DTNB: variants seen among roughly 807,000 people sequenced by gnomAD.
DTNB encodes dystrobrevin beta.
Under a neutral mutation model 90.7 loss-of-function variants are expected in DTNB, and 63 were observed. That is an observed-to-expected ratio of 0.69 (90% confidence interval 0.57 to 0.86). The LOEUF (loss-of-function observed/expected upper bound fraction) is 0.86. Among genes scored for constraint, DTNB ranks in the 40% least tolerant of loss-of-function variants. The pLI, the probability that DTNB is intolerant of heterozygous loss-of-function variation, is 0.00. For missense variants in DTNB, 744 were observed against 807.1 expected, an observed-to-expected ratio of 0.92 and a Z score of 0.95; for synonymous variants, 277 against 286.7, an observed-to-expected ratio of 0.97 and a Z score of 0.34.
chr2:25,668,277 C>T (rs1018769983), intron 1 of DTNB, among the ~76,000 whole-genome samples: 2 of 152,028 alleles, frequency 1.3e-5, no homozygotes, highest in Non-Finnish European at 2.9e-5. Flanking sequence ...GCTATCAAGT[C>T]GCAAAAAAGA....
intron 14 of DTNB, among the ~76,000 whole-genome samples, chr2:25,432,448 G>A (rs977127947): frequency 2.0e-5 from 3 of 152,146 alleles, no homozygotes; most frequent in Non-Finnish European, 2.9e-5. Context: ...TCTCAGAGAT[G>A]CGCACAGGAA....
At position 25,431,083 on chromosome 2, in the gene DTNB, T is replaced by C. The variant is rs577357496; in HGVS notation, c.1457+1803A>G. Among the ~76,000 whole-genome samples the C allele has an allele frequency of 2.0e-4, 30 of 152,320 alleles. No individual in the cohort carries two copies. The South Asian group carries it at 4.6e-3, about 23-fold the overall frequency. On this transcript the variant is annotated intron_variant, in intron 14 of 20. Coordinates refer to ENST00000406818, the MANE Select transcript of DTNB (RefSeq NM_021907.5). ...GTGAATCCAGCCCTTTATGTGTCTTTTGATAAGCAAAAGTTCTTAATATTA... is the reference window on the plus strand; with the variant it reads ...GTGAATCCAGCCCTTTATGTGTCTTCTGATAAGCAAAAGTTCTTAATATTA...
At chr2:25,539,048 A>C (rs2080520653) in intron 8 of DTNB, among the ~76,000 whole-genome samples, 1 of 152,186 alleles carries the variant, frequency 6.6e-6, no homozygotes, top group African/African-American at 2.4e-5. Context: ...GTTATGTTAC[A>C]ATTTATCCAT....
At chr2:25,417,178 ATAAGACTG>A (rs1179225363) in intron 16 of DTNB, among the ~76,000 whole-genome samples, 1 of 152,198 alleles carries the variant, frequency 6.6e-6, no homozygotes, top group Non-Finnish European at 1.5e-5. Flanking sequence ...GGACAGTCCT[ATAAGACTG>A]TAAGGACTTG....
At chr2:25,486,079 G>A (rs1406820108) in intron 9 of DTNB, among the ~76,000 whole-genome samples, 1 of 150,854 alleles carries the variant, frequency 6.6e-6, no homozygotes, top group Non-Finnish European at 1.5e-5. Context: ...CCAAGATCAC[G>A]CCACTGCACT....
rs1349791963 is a variant in DTNB at position 25,424,723 on chromosome 2, A to T, written c.1554+2812T>A. On this transcript the variant is annotated intron_variant, in intron 15 of 20. Transcript: ENST00000406818. The surrounding 1 kb of genome is among the most constrained non-coding windows in gnomAD (Gnocchi z 4.1). The stretch of plus-strand genomic sequence containing the variant: ...TACTCTCTGACCCTGGCTGGAGTGC[A>T]GTGGTGTAATCTCTGCTCACTGCAG... Among the ~76,000 whole-genome samples, 6 of 150,494 alleles carry T rather than the reference A, an allele frequency of 4.0e-5. No individual in the cohort carries two copies. The highest frequency in any genetic ancestry group is 1.5e-4 in the African/African-American group (6 of 40,710).
intron 4 of DTNB, among the ~76,000 whole-genome samples, chr2:25,614,737 C>CAAT (rs1427004535): frequency 6.6e-6 from 1 of 152,176 alleles, no homozygotes; most frequent in East Asian, 1.9e-4. Flanking sequence ...CGATTCAATG[C>CAAT]AATCCTCTAA....
chr2:25,408,568 C>G lies in DTNB; in HGVS notation c.1575+10947G>C, dbSNP rs1407569910. On this transcript the variant is annotated intron_variant, in intron 16 of 20. Transcript: ENST00000406818. Reference sequence around the variant, plus strand: ...AAAAAAAAAAAAAAAAAAAAAGCACCACTTTAGCTGCAGTTAACTTCATTG... The same window carrying G: ...AAAAAAAAAAAAAAAAAAAAAGCACGACTTTAGCTGCAGTTAACTTCATTG... Among the ~76,000 whole-genome samples, 4 of 145,692 alleles carry G rather than the reference C, an allele frequency of 2.7e-5. No individual in the cohort carries two copies. The East Asian group carries it at 5.9e-4, about 22-fold the overall frequency.
intron 3 of DTNB, among the ~76,000 whole-genome samples, chr2:25,632,426 T>C (rs2075979242): frequency 6.6e-6 from 1 of 152,200 alleles, no homozygotes; most frequent in Non-Finnish European, 1.5e-5. Context: ...TGAATATTTG[T>C]CCTCTGCAAA....
intron 4 of DTNB, among the ~76,000 whole-genome samples, chr2:25,623,666 C>T (rs2073381027): frequency 6.6e-6 from 1 of 152,136 alleles, no homozygotes. Flanking sequence ...TCCTAGGCCT[C>T]AAATTATCCC....
chr2:25,526,395 A>ATATATATATATATTTTT lies in DTNB; in HGVS notation c.1001+5077_1001+5078insAAAAATATATATATATA. On this transcript the variant is annotated intron_variant, in intron 9 of 20. Coordinates refer to ENST00000406818, the MANE Select transcript of DTNB (RefSeq NM_021907.5). The stretch of plus-strand genomic sequence containing the variant: ...TATATATATATATATATATATATAT[A>ATATATATATATATTTTT]TTTTTTTTTTTTTAATTGAGACAGA... 2.2e-4 allele frequency among the ~76,000 whole-genome samples: 11 copies of ATATATATATATATTTTT among 49,822 alleles called. No individual in the cohort carries two copies. The East Asian group carries it at 5.3e-3, about 24-fold the overall frequency. The allele number at this position is 49,822 out of a possible 152,430, so 32.7% of individuals were successfully genotyped here.
At chr2:25,627,956 TC>T (rs1416263738) in intron 4 of DTNB, among the ~76,000 whole-genome samples, 1 of 152,108 alleles carries the variant, frequency 6.6e-6, no homozygotes, top group Non-Finnish European at 1.5e-5. Context: ...CGGGATGGTC[TC>T]CATCTCCTGA....
intron 8 of DTNB, among the ~76,000 whole-genome samples, chr2:25,569,264 C>A (rs1372502239): frequency 6.6e-6 from 1 of 152,204 alleles, no homozygotes; most frequent in Non-Finnish European, 1.5e-5. Flanking sequence ...TGTTTAATGT[C>A]ACTAACTTTT....
intron 12 of DTNB, among the ~76,000 whole-genome samples, chr2:25,443,310 C>T (rs1172450963): frequency 6.6e-6 from 1 of 152,164 alleles, no homozygotes; most frequent in Non-Finnish European, 1.5e-5. Context: ...CCTCTAACTT[C>T]CTGTCACAGG....
At chr2:25,520,044 CAAT>C (rs1318046702) in intron 9 of DTNB, among the ~76,000 whole-genome samples, 2 of 151,818 alleles carry the variant, frequency 1.3e-5, no homozygotes, top group East Asian at 3.9e-4. Flanking sequence ...TTGGAGAATA[CAAT>C]AAAACCAATT....
intron 9 of DTNB, among the ~76,000 whole-genome samples, chr2:25,489,647 C>T (rs930254582): frequency 1.3e-5 from 2 of 151,538 alleles, no homozygotes; most frequent in Non-Finnish European, 2.9e-5. Flanking sequence ...GCCAAGACTC[C>T]GTCTCTTAAA....
intron 1 of DTNB, among the ~76,000 whole-genome samples, chr2:25,657,626 G>T (rs1305450184): frequency 6.6e-6 from 1 of 151,868 alleles, no homozygotes; most frequent in South Asian, 2.1e-4. Context: ...AGGCTGAGGT[G>T]GGAAGGATCG....
At chr2:25,448,437 G>T (rs1457813199) in intron 12 of DTNB, among the ~76,000 whole-genome samples, 2 of 152,218 alleles carry the variant, frequency 1.3e-5, no homozygotes, top group African/African-American at 4.8e-5. Flanking sequence ...ATTTTATTAT[G>T]AATATTTCAA....
At chr2:25,558,967 G>T (rs1228789284) in intron 8 of DTNB, among the ~76,000 whole-genome samples, 4 of 152,022 alleles carry the variant, frequency 2.6e-5, no homozygotes, top group Non-Finnish European at 5.9e-5. Context: ...CTTCTCCCCA[G>T]GCCTCCATAA....
Sources: allele counts gnomAD v4.1 joint callset (sites outside exome capture counted in the v4.1 genomes callset), GRCh38; gene constraint gnomAD v4.1.1; non-coding constraint Gnocchi (gnomAD v3.1); transcripts MANE v1.5; gene names NCBI Gene and HGNC (gene_info 2026-07-23, HGNC 2026-07-21).